CDC27: variants seen among roughly 807,000 people sequenced by gnomAD.
CDC27 encodes cell division cycle 27.
Under a neutral mutation model 109.7 loss-of-function variants are expected in CDC27, and 27 were observed. That is an observed-to-expected ratio of 0.25 (90% CI 0.18 to 0.34). CDC27 has a LOEUF of 0.34. Among genes scored for constraint, CDC27 ranks in the 10% least tolerant of loss-of-function variants. The probability of loss-of-function intolerance (pLI) is 1.00; values close to 1 mark genes in which losing one functional copy is unlikely to be tolerated. For synonymous variants in CDC27, 266 were observed against 333.9 expected, an observed-to-expected ratio of 0.80 and a Z score of 2.22; for missense variants, 579 against 960.2, an observed-to-expected ratio of 0.60 and a Z score of 5.25.
rs1033047541 is a variant in CDC27 at position 47,186,422 on chromosome 17, T to C, written c.27+2724A>G. The stretch of plus-strand genomic sequence containing the variant: ...ATTAAATTAATTTTCGAAAGGCTTA[T>C]TTACAACTTCATCCAACACTTCTGT... On this transcript the variant is annotated intron_variant, in intron 1 of 18. Transcript: ENST00000066544. 2.6e-5 allele frequency among the ~76,000 whole-genome samples: 4 copies of C among 152,338 alleles called. No homozygotes were observed. The East Asian group carries it at 7.7e-4, about 29-fold the overall frequency.
chr17:47,118,811 T>C lies in CDC27; in HGVS notation c.*2124A>G, dbSNP rs2061927699. The C allele has an allele frequency of 6.6e-6, 1 of 152,270 alleles. No homozygotes were observed. Among genetic ancestry groups the C allele is most frequent in the Non-Finnish European group, 1.5e-5 (1 of 68,042 alleles). The allele number at this position is 152,270 out of a possible 1,614,324, so 9.4% of individuals were successfully genotyped here. A position where few individuals can be genotyped will look rare whatever the true frequency, so the allele number is the denominator to read the frequency against. ...TAAGGCTTCAAATACCTAAATGACT[T>C]TGAAAGTAGGTATGAGGAAAAATAA... is the stretch of plus-strand genomic sequence containing the variant. On this transcript the variant is annotated 3_prime_UTR_variant, in exon 19 of 19. Coordinates refer to ENST00000066544, the MANE Select transcript of CDC27 (RefSeq NM_001256.6).
In CDC27 at chr17:47,123,786, T is replaced by C. The variant is rs2062049162; in HGVS notation, c.2235+100A>G. 6.7e-6 allele frequency: 5 copies of C among 741,346 alleles called. No individual in the cohort carries two copies. The South Asian group carries it at 7.7e-5, about 11-fold the overall frequency. The allele number at this position is 741,346 out of a possible 1,614,324, so 45.9% of individuals were successfully genotyped here. ...ACTCAGTTCGGAGCTTTAGTTTAAT[T>C]TGCTCAATAGATATGTACAGGAAGT... On this transcript the variant is annotated intron_variant, in intron 17 of 18. Transcript: ENST00000066544.
At chr17:47,125,940 CATATT>C (rs1214823857) in intron 16 of CDC27, among the ~76,000 whole-genome samples, 2 of 152,194 alleles carry the variant, frequency 1.3e-5, no homozygotes. Flanking sequence ...TCTATGATTG[CATATT>C]ATAATTGTTA....
chr17:47,132,665 A>G (rs2062381530), intron 14 of CDC27, among the ~76,000 whole-genome samples: 1 of 150,946 alleles, frequency 6.6e-6, no homozygotes, highest in Non-Finnish European at 1.5e-5. Context: ...TTCCGGGTTC[A>G]AAGAATCCTC....
chr17:47,185,213 CTGTCACCCAGGCTGGAGTGCAGT>C (rs1460308238), intron 1 of CDC27, among the ~76,000 whole-genome samples: 4 of 152,082 alleles, frequency 2.6e-5, no homozygotes, highest in African/African-American at 9.7e-5. Context: ...GAGTCTCACT[CTGTCACCCAGGCTGGAGTGCAGT>C]GGCGCGATCT....
intron 3 of CDC27, 69 bp from the exon 4 acceptor site, chr17:47,170,111 A>G (rs1175906530): frequency 8.0e-7 from 1 of 1,244,752 alleles, no homozygotes; most frequent in African/African-American, 1.5e-5. Flanking sequence ...CATATTCTTC[A>G]TTACCAAAGT....
At chr17:47,185,341 GC>G (rs2064393877) in intron 1 of CDC27, among the ~76,000 whole-genome samples, 1 of 151,950 alleles carries the variant, frequency 6.6e-6, no homozygotes, top group Non-Finnish European at 1.5e-5. Context: ...ACCATGCCCG[GC>G]TAATTTTTTT....
intron 10 of CDC27, among the ~76,000 whole-genome samples, chr17:47,143,473 T>C (rs1296727582): frequency 1.3e-5 from 2 of 152,158 alleles, no homozygotes; most frequent in Admixed American, 1.3e-4. Flanking sequence ...TAAAATTTTA[T>C]CACGTGAATG....
Position 47,120,852 on chromosome 17 carries a change from G to A in CDC27, c.*83C>T. ...ACGGACGATGACACCGCCAGCTCAA[G>A]AGTAAAGACTCAGTATACAGAGGGA... On this transcript the variant is annotated 3_prime_UTR_variant, in exon 19 of 19. Coordinates refer to ENST00000066544, the MANE Select transcript of CDC27 (RefSeq NM_001256.6). 1.0e-6 allele frequency: 1 copy of A among 956,818 alleles called. No homozygotes were observed. The highest frequency in any genetic ancestry group is 1.7e-6 in the Non-Finnish European group (1 of 602,358). 59.3% of individuals were successfully genotyped at this position (956,818 alleles called of 1,614,324 possible). A position where few individuals can be genotyped will look rare whatever the true frequency, so the allele number is the denominator to read the frequency against.
At chr17:47,168,199 G>A (rs2063706959) in intron 4 of CDC27, among the ~76,000 whole-genome samples, 1 of 152,120 alleles carries the variant, frequency 6.6e-6, no homozygotes, top group Non-Finnish European at 1.5e-5. Context: ...ATTTAATGGT[G>A]AAACTTAATC....
intron 16 of CDC27, 22 bp downstream of exon 16, chr17:47,129,371 A>G (rs1198358169): frequency 6.4e-7 from 1 of 1,568,982 alleles, no homozygotes; most frequent in Non-Finnish European, 8.7e-7. Context: ...AACACTGAAG[A>G]CCCTTAAGAT....
Position 47,189,275 on chromosome 17 carries a change from G to C in CDC27, c.-103C>G. The C allele has an allele frequency of 2.3e-6, 2 of 877,594 alleles. No individual in the cohort carries two copies. Among genetic ancestry groups the C allele is most frequent in the Non-Finnish European group, 3.8e-6 (2 of 527,518 alleles). The allele number at this position is 877,594 out of a possible 1,614,324, so 54.4% of individuals were successfully genotyped here. On this transcript the variant is annotated 5_prime_UTR_variant, in exon 1 of 19. Transcript: ENST00000066544. ...TTTAAACTCACCAGCGACCGTTACC[G>C]GGGGATGGGGGAGGCCGAGCGATTG...
intron 12 of CDC27, among the ~76,000 whole-genome samples, chr17:47,140,458 C>A (rs780161838): frequency 2.0e-5 from 3 of 152,108 alleles, no homozygotes; most frequent in Non-Finnish European, 4.4e-5. Context: ...GACCTACCAG[C>A]CAAATATAGG....
intron 14 of CDC27, among the ~76,000 whole-genome samples, chr17:47,133,675 T>C (rs1472949858): frequency 6.6e-6 from 1 of 151,808 alleles, no homozygotes; most frequent in Non-Finnish European, 1.5e-5. Flanking sequence ...CCGACTCAGG[T>C]GATCCGCCCG....
rs1445153039 is a variant in CDC27 at position 47,138,906 on chromosome 17, A to G, written c.1552-15T>C. The G allele has an allele frequency of 1.3e-6, 2 of 1,534,496 alleles. No individual in the cohort carries two copies. The highest frequency in any genetic ancestry group is 8.8e-7 in the Non-Finnish European group (1 of 1,133,160). ...ATTCTTTCAGCCTGAAATAAAAAAAACTAGTAAGAGAAAACAAGTTGATAC... is the reference window on the plus strand; with the variant it reads ...ATTCTTTCAGCCTGAAATAAAAAAAGCTAGTAAGAGAAAACAAGTTGATAC... On this transcript the variant is annotated splice_polypyrimidine_tract_variant and intron_variant, in intron 12 of 18. Coordinates refer to ENST00000066544, the MANE Select transcript of CDC27 (RefSeq NM_001256.6).
chr17:47,176,711 G>A (rs1282217201), intron 2 of CDC27, among the ~76,000 whole-genome samples: 1 of 152,154 alleles, frequency 6.6e-6, no homozygotes, highest in Admixed American at 6.5e-5. Context: ...GGCAGGGAAC[G>A]GGAGATAAGG....
intron 9 of CDC27, among the ~76,000 whole-genome samples, chr17:47,149,509 TAAAA>T (rs34375130): frequency 3.6e-5 from 4 of 112,148 alleles, no homozygotes; most frequent in Admixed American, 9.5e-5. Flanking sequence ...GACTCTGTCT[TAAAA>T]AAAAAAAAAA....
At chr17:47,178,897 G>A (rs549477650) in intron 2 of CDC27, among the ~76,000 whole-genome samples, 5 of 152,188 alleles carry the variant, frequency 3.3e-5, no homozygotes, top group Admixed American at 2.0e-4. Flanking sequence ...CCGCCTCCCG[G>A]GTTCAAGCAA....
chr17:47,134,139 T>G (rs2148833417), intron 14 of CDC27, among the ~76,000 whole-genome samples: 2 of 151,838 alleles, frequency 1.3e-5, no homozygotes, highest in East Asian at 3.9e-4. Context: ...CCTCAAACAA[T>G]CCTCCCACCT....
Sources: gnomAD v4.1 joint callset for allele counts (sites outside exome capture counted in the v4.1 genomes callset) on GRCh38, gnomAD v4.1.1 for gene constraint, MANE v1.5 for transcripts, NCBI Gene and HGNC (gene_info 2026-07-23, HGNC 2026-07-21) for gene names.